RALGAPA2: variants seen among roughly 807,000 people sequenced by gnomAD.
RALGAPA2 encodes the protein Ral GTPase activating protein catalytic subunit alpha 2.
Under a neutral mutation model 230.4 loss-of-function variants are expected in RALGAPA2, and 139 were observed. That is an observed-to-expected ratio of 0.60 (90% CI 0.53 to 0.69). The LOEUF (loss-of-function observed/expected upper bound fraction) is 0.69, where lower values mean the gene tolerates loss of function less well. RALGAPA2 is among the 30% of genes least tolerant of loss of function. The pLI is 0.00. For synonymous variants in RALGAPA2, 847 were observed against 837.8 expected, an observed-to-expected ratio of 1.01 and a Z score of -0.19; for missense variants, 2,163 against 2,276.0, an observed-to-expected ratio of 0.95 and a Z score of 1.01.
chr20:20,472,148 G>A (rs1018862998), intron 37 of RALGAPA2: 4 of 152,042 alleles, frequency 2.6e-5, no homozygotes, highest in African/African-American at 7.2e-5. Context: ...GACTACAGCA[G>A]GCCAATTAAT....
intron 33 of RALGAPA2, among the ~76,000 whole-genome samples, chr20:20,508,088 G>C (rs1169609448): frequency 6.6e-6 from 1 of 152,202 alleles, no homozygotes; most frequent in African/African-American, 2.4e-5. Context: ...AACTCAATGT[G>C]AGAGCACAAG....
chr20:20,521,287 G>C (rs1451750303), intron 30 of RALGAPA2, among the ~76,000 whole-genome samples, 187 bp from the exon 31 acceptor site: 3 of 152,142 alleles, frequency 2.0e-5, no homozygotes, highest in African/African-American at 7.2e-5. Context: ...TCAATGCCAA[G>C]AAATATGTTC....
intron 37 of RALGAPA2, among the ~76,000 whole-genome samples, chr20:20,416,618 G>A (rs1216764684): frequency 6.6e-6 from 1 of 152,210 alleles, no homozygotes; most frequent in Non-Finnish European, 1.5e-5. Context: ...ACGTAAACCT[G>A]AGTGCGTATG....
At chr20:20,599,762 C>T (rs1321833382) in intron 16 of RALGAPA2, among the ~76,000 whole-genome samples, 1 of 152,144 alleles carries the variant, frequency 6.6e-6, no homozygotes, top group Non-Finnish European at 1.5e-5. Flanking sequence ...CACCTGAGAT[C>T]AGGAGTTCAA....
chr20:20,626,106 G>T (rs747861999), intron 10 of RALGAPA2, among the ~76,000 whole-genome samples: 1 of 152,188 alleles, frequency 6.6e-6, no homozygotes, highest in Non-Finnish European at 1.5e-5. Context: ...TCTCCACTGA[G>T]AATGTGCACT....
rs765660429 is a variant in RALGAPA2 at position 20,536,705 on chromosome 20, T to C, written c.3365A>G (p.Gln1122Arg). ...PNTYQEIPLLQSVPEVNEAIT... is the reference protein window; with the variant it reads ...PNTYQEIPLLRSVPEVNEAIT... ...GGCCTCATTTACTTCTGGCACTGAC[T>C]GCAGTAAAGGAATCTCCTGGTAGGT... is the stretch of plus-strand genomic sequence containing the variant. The change falls in exon 25 of 40, where the codon CAG becomes CGG. Residue 1122 changes from glutamine (Q) to arginine (R), a missense_variant. Transcript: ENST00000202677. 6.2e-7 allele frequency: 1 copy of C among 1,613,150 alleles called. No individual in the cohort carries two copies. The highest frequency in any genetic ancestry group is 8.5e-7 in the Non-Finnish European group (1 of 1,179,306).
At chr20:20,516,060 G>A (rs191950297) in intron 31 of RALGAPA2, among the ~76,000 whole-genome samples, 1 of 152,256 alleles carries the variant, frequency 6.6e-6, no homozygotes, top group Non-Finnish European at 1.5e-5. Flanking sequence ...AAGGCTTACT[G>A]CTGCCTGCTA....
At chr20:20,603,582 A>G (rs1365618695) in intron 15 of RALGAPA2, among the ~76,000 whole-genome samples, 2 of 152,194 alleles carry the variant, frequency 1.3e-5, no homozygotes, top group Admixed American at 1.3e-4. Context: ...CTTGGTGAAC[A>G]AGCCTGAGCT....
chr20:20,638,333 G>A (rs1006507317), intron 7 of RALGAPA2, among the ~76,000 whole-genome samples: 1 of 152,184 alleles, frequency 6.6e-6, no homozygotes, highest in Admixed American at 6.5e-5. Flanking sequence ...TGCCCACTTA[G>A]AAAATGAAAT....
At chr20:20,492,741 T>C (rs948638142) in intron 36 of RALGAPA2, among the ~76,000 whole-genome samples, 1 of 152,186 alleles carries the variant, frequency 6.6e-6, no homozygotes, top group Non-Finnish European at 1.5e-5. Context: ...TCCTCATGCA[T>C]CTGGGACGCG....
At chr20:20,514,968 C>G (rs899291079) in intron 31 of RALGAPA2, among the ~76,000 whole-genome samples, 1 of 152,238 alleles carries the variant, frequency 6.6e-6, no homozygotes. Flanking sequence ...GGCACCTGAT[C>G]GCTGCCCACT....
intron 1 of RALGAPA2, among the ~76,000 whole-genome samples, chr20:20,698,683 A>C (rs1480046071): frequency 1.3e-5 from 2 of 152,228 alleles, no homozygotes; most frequent in East Asian, 3.8e-4. Flanking sequence ...TACAGGCGTG[A>C]GCTACCGTGC....
chr20:20,490,067 T>C (rs769087836), intron 36 of RALGAPA2, among the ~76,000 whole-genome samples: 3 of 152,196 alleles, frequency 2.0e-5, no homozygotes, highest in Non-Finnish European at 2.9e-5. Flanking sequence ...TTGTGAAAGA[T>C]AAAACAGCAG....
chr20:20,406,492 G>A (rs761149981), intron 38 of RALGAPA2, among the ~76,000 whole-genome samples: 1 of 151,950 alleles, frequency 6.6e-6, no homozygotes, highest in Non-Finnish European at 1.5e-5. Context: ...AGAAACATCT[G>A]TCCAAGGCAG....
At chr20:20,656,774 C>T (rs562393418) in intron 3 of RALGAPA2, among the ~76,000 whole-genome samples, 1 of 152,074 alleles carries the variant, frequency 6.6e-6, no homozygotes, top group Admixed American at 6.6e-5. Flanking sequence ...GATCAAGAAC[C>T]CAAGCTGGTT....
At chr20:20,448,250 A>AT (rs1477392671) in intron 37 of RALGAPA2, among the ~76,000 whole-genome samples, 1 of 152,208 alleles carries the variant, frequency 6.6e-6, no homozygotes, top group African/African-American at 2.4e-5. Context: ...GACAGAAAGA[A>AT]TTTTTTCTAG....
In RALGAPA2 at chr20:20,536,790, C is replaced by A. The variant is rs756836173; in HGVS notation, c.3286-6G>T. The A allele has an allele frequency of 1.2e-6, 2 of 1,610,156 alleles. No individual in the cohort carries two copies. Among genetic ancestry groups the A allele is most frequent in the Admixed American group, 3.3e-5 (2 of 59,752 alleles). On this transcript the variant is annotated splice_polypyrimidine_tract_variant and splice_region_variant and intron_variant, in intron 24 of 39. Coordinates refer to ENST00000202677, the MANE Select transcript of RALGAPA2 (RefSeq NM_020343.4). ...ACAGCCTCTGAACGAGGCGCCTGCA[C>A]ATAAGGAAGAGGAGCACACACATTT...
At chr20:20,621,049 G>A (rs2066304534) in intron 10 of RALGAPA2, among the ~76,000 whole-genome samples, 2 of 151,026 alleles carry the variant, frequency 1.3e-5, no homozygotes, top group African/African-American at 2.4e-5. Flanking sequence ...GCTGAGGCAA[G>A]AGAATCACTT....
chr20:20,578,671 G>A (rs1027172329), intron 20 of RALGAPA2, among the ~76,000 whole-genome samples: 2 of 152,172 alleles, frequency 1.3e-5, no homozygotes, highest in African/African-American at 2.4e-5. Context: ...TTAAAGAAAT[G>A]TAGCCTCGGT....
Sources: gnomAD v4.1 joint callset for allele counts (sites outside exome capture counted in the v4.1 genomes callset) on GRCh38, gnomAD v4.1.1 for gene constraint, MANE v1.5 for transcripts, NCBI Gene and HGNC (gene_info 2026-07-23, HGNC 2026-07-21) for gene names.